TNS3: variants seen among roughly 807,000 people sequenced by gnomAD.
TNS3 encodes tensin-3.
Under a neutral mutation model 140.9 loss-of-function variants are expected in TNS3, and 45 were observed. That is an observed-to-expected ratio of 0.32 (90% CI 0.25 to 0.41). The LOEUF (loss-of-function observed/expected upper bound fraction) is 0.41, where lower values mean the gene tolerates loss of function less well. Ranked by LOEUF, TNS3 falls within the 10% of genes least tolerant of loss-of-function variation. The pLI is 1.00. For synonymous variants in TNS3, 815 were observed against 788.4 expected, an observed-to-expected ratio of 1.03 and a Z score of -0.56; for missense variants, 1,716 against 1,906.7, an observed-to-expected ratio of 0.90 and a Z score of 1.86.
chr7:47,373,173 C>T (rs910573859), intron 16 of TNS3, among the ~76,000 whole-genome samples: 1 of 152,170 alleles, frequency 6.6e-6, no homozygotes, highest in African/African-American at 2.4e-5. Context: ...GAACTTCAGT[C>T]GGACAAAGGA....
chr7:47,532,161 G>C (rs1378628140), intron 1 of TNS3, among the ~76,000 whole-genome samples: 1 of 152,166 alleles, frequency 6.6e-6, no homozygotes, highest in Non-Finnish European at 1.5e-5. Flanking sequence ...CTCAGAGCGG[G>C]ATTGGGGACA....
intron 3 of TNS3, among the ~76,000 whole-genome samples, chr7:47,493,473 C>G (rs57573970): frequency 0.29 from 43,303 of 151,906 alleles, 6,679 homozygotes; most frequent in African/African-American, 0.39. Flanking sequence ...GAGTGTTTAA[C>G]AATCACATGA....
intron 1 of TNS3, among the ~76,000 whole-genome samples, chr7:47,537,227 G>A (rs968765358): frequency 6.6e-6 from 1 of 152,094 alleles, no homozygotes; most frequent in Non-Finnish European, 1.5e-5. Flanking sequence ...ACAAGTCCCA[G>A]GAAATGGCCA....
intron 2 of TNS3, among the ~76,000 whole-genome samples, chr7:47,520,555 C>T (rs913732069): frequency 5.9e-5 from 9 of 152,160 alleles, no homozygotes; most frequent in Admixed American, 5.9e-4. Context: ...TTCTTCCCAG[C>T]CACAGAGTTA....
intron 20 of TNS3, among the ~76,000 whole-genome samples, chr7:47,329,055 A>G (rs1476451315): frequency 6.6e-6 from 1 of 152,128 alleles, no homozygotes. Context: ...TTTTTTCAGC[A>G]TTTGGAACAC....
intron 20 of TNS3, among the ~76,000 whole-genome samples, chr7:47,318,030 CAACT>C (rs769515173): frequency 2.3e-4 from 35 of 152,130 alleles, no homozygotes; most frequent in African/African-American, 4.8e-4. Context: ...TTTCGTACAC[CAACT>C]ATCTCCAGAA....
intron 17 of TNS3, among the ~76,000 whole-genome samples, chr7:47,348,788 T>A (rs868496980): frequency 7.9e-5 from 12 of 152,332 alleles, no homozygotes; most frequent in Admixed American, 2.0e-4. Context: ...GGTTGGAAAC[T>A]CACTGGCTTC....
chr7:47,389,068 A>AGAGGAAGAG (rs1401617050), intron 16 of TNS3, among the ~76,000 whole-genome samples: 1 of 59,838 alleles, frequency 1.7e-5, no homozygotes, highest in Admixed American at 1.8e-4. Context: ...AAGAAGAAGA[A>AGAGGAAGAG]GAAGAAGAAG....
chr7:47,442,697 T>G (rs112700347), intron 4 of TNS3, among the ~76,000 whole-genome samples: 1 of 151,910 alleles, frequency 6.6e-6, no homozygotes, highest in Admixed American at 6.6e-5. Context: ...ATGGCAGAGG[T>G]GAATGGGGAA....
At chr7:47,402,922 G>A (rs191560443) in intron 13 of TNS3, among the ~76,000 whole-genome samples, 1 of 152,220 alleles carries the variant, frequency 6.6e-6, no homozygotes, top group South Asian at 2.1e-4. Flanking sequence ...CACGCAGCCT[G>A]TGCTGCCATG....
In TNS3 at chr7:47,368,551, T is replaced by A. The variant is rs375273859; in HGVS notation, c.2095A>T (p.Ile699Phe). The A allele has an allele frequency of 7.8e-5, 123 of 1,575,778 alleles. No homozygotes were observed. The highest frequency in any genetic ancestry group is 1.0e-4 in the Non-Finnish European group (117 of 1,156,274). The part of the protein sequence containing the change: ...GSPTLDIDQS[I>F]EQLNRLILEL... Reference sequence around the variant, plus strand: ...AGGATCAGCCTGTTGAGCTGCTCGATGGACTGGTCGATGTCCAGGGTGGGC... The same window carrying A: ...AGGATCAGCCTGTTGAGCTGCTCGAAGGACTGGTCGATGTCCAGGGTGGGC... The change falls in exon 17 of 31, where the codon ATC becomes TTC. Residue 699 changes from isoleucine (I) to phenylalanine (F), a missense_variant. Ile to Phe is a conservative substitution (Grantham distance 21). This residue lies in a region of TNS3 where 1,163 missense variants were observed against 1,182.1 expected (regional missense o/e 0.98). Coordinates refer to ENST00000311160, the MANE Select transcript of TNS3 (RefSeq NM_022748.12).
At chr7:47,366,188 A>T (rs1790687061) in intron 17 of TNS3, among the ~76,000 whole-genome samples, 2 of 152,232 alleles carry the variant, frequency 1.3e-5, no homozygotes, top group South Asian at 4.1e-4. Context: ...GTAAACTCAG[A>T]ATTTCCCAAA....
At chr7:47,575,608 G>C (rs1800655920) in intron 1 of TNS3, among the ~76,000 whole-genome samples, 1 of 152,076 alleles carries the variant, frequency 6.6e-6, no homozygotes, top group Non-Finnish European at 1.5e-5. Context: ...GAGGTCAGGA[G>C]ATCGAGACCA....
At chr7:47,281,945 T>TGACC (rs1785166786) in intron 28 of TNS3, among the ~76,000 whole-genome samples, 1 of 141,398 alleles carries the variant, frequency 7.1e-6, no homozygotes, top group Non-Finnish European at 1.5e-5. Flanking sequence ...ACCCTGACCC[T>TGACC]GAGTCCACTA....
At chr7:47,405,665 G>C in intron 13 of TNS3, 1 of 687,820 alleles carries the variant, frequency 1.5e-6, no homozygotes, top group Non-Finnish European at 2.7e-6. Context: ...AGTCTAAAAG[G>C]GAGAGGAAAA....
intron 1 of TNS3, among the ~76,000 whole-genome samples, chr7:47,565,524 C>G (rs536908250): frequency 6.6e-6 from 1 of 151,964 alleles, no homozygotes; most frequent in Admixed American, 6.6e-5. Context: ...ACACCATATG[C>G]CCAGCTGATT....
intron 17 of TNS3, among the ~76,000 whole-genome samples, chr7:47,350,123 C>A (rs770392714): frequency 3.9e-5 from 6 of 152,186 alleles, no homozygotes; most frequent in Non-Finnish European, 7.3e-5. Flanking sequence ...CCATCCCTTC[C>A]CACCCCAAAA....
At position 47,293,784 on chromosome 7, in the gene TNS3, A is replaced by C. The variant is rs373877872; in HGVS notation, c.3721T>G (p.Cys1241Gly). ...NELVRHFLIE[C>G]TPKGVRLKGC... ...TTCAACCGCACTCCCTTCGGGGTAC[A>C]CTCGATCAAAAAGTGCCGGACGAGT... Residue 1241 changes from cysteine (C) to glycine (G), a missense_variant, in exon 25 of 31, where the codon TGT becomes GGT. By Grantham distance (159) the Cys-to-Gly change is radical. Around this residue, in one of 3 missense-constraint regions of TNS3, gnomAD observed 216 missense variants for 295.7 expected, o/e 0.73. Transcript: ENST00000311160. The C allele has an allele frequency of 3.1e-6, 5 of 1,614,072 alleles. No homozygotes were observed. The highest frequency in any genetic ancestry group is 4.2e-6 in the Non-Finnish European group (5 of 1,180,044).
At chr7:47,436,907 C>A (rs1386745665) in intron 7 of TNS3, among the ~76,000 whole-genome samples, 5 of 152,080 alleles carry the variant, frequency 3.3e-5, no homozygotes, top group African/African-American at 1.2e-4. Context: ...ATCATCTATA[C>A]ACACGATGCC....
Sources: allele counts gnomAD v4.1 joint callset (sites outside exome capture counted in the v4.1 genomes callset), GRCh38; gene constraint gnomAD v4.1.1; regional missense constraint gnomAD v4.1.1; transcripts MANE v1.5; gene names NCBI Gene and HGNC (gene_info 2026-07-23, HGNC 2026-07-21).